Variants in TMEM260 observed in about 807,000 individuals in gnomAD.
TMEM260 encodes protein O-mannosyl-transferase TMEM260.
A neutral mutation model predicts 88.9 loss-of-function variants in TMEM260; 82 were observed. That is an observed-to-expected ratio of 0.92 (90% CI 0.77 to 1.11). The LOEUF (loss-of-function observed/expected upper bound fraction) is 1.11. Ranked by LOEUF, TMEM260 falls within the 50% of genes least tolerant of loss-of-function variation. The pLI is 0.00. For missense variants in TMEM260, 902 were observed against 853.4 expected, an observed-to-expected ratio of 1.06 and a Z score of -0.71; for synonymous variants, 314 against 309.3, an observed-to-expected ratio of 1.02 and a Z score of -0.16.
intron 6 of TMEM260, among the ~76,000 whole-genome samples, chr14:56,611,969 A>G (rs1012938396): frequency 3.9e-5 from 6 of 152,186 alleles, no homozygotes; most frequent in Admixed American, 3.9e-4. Flanking sequence ...ACATGGACAC[A>G]TATGTACTTA....
chr14:56,605,769 T>A, intron 5 of TMEM260, 86 bp downstream of exon 5: 1 of 789,226 alleles, frequency 1.3e-6, no homozygotes, highest in Non-Finnish European at 2.0e-6. Flanking sequence ...TTTCAGGCTT[T>A]AATTTTTCTT....
intron 3 of TMEM260, among the ~76,000 whole-genome samples, chr14:56,599,048 G>A (rs967664165): frequency 6.6e-6 from 1 of 152,010 alleles, no homozygotes; most frequent in Non-Finnish European, 1.5e-5. Flanking sequence ...TCACTCCCTG[G>A]TATGACTTTA....
intron 3 of TMEM260, among the ~76,000 whole-genome samples, chr14:56,601,883 C>T (rs905386975): frequency 3.3e-5 from 5 of 152,084 alleles, no homozygotes; most frequent in African/African-American, 1.2e-4. Context: ...TACTTTCTGG[C>T]ACAAGATGTT....
At chr14:56,603,422 C>A (rs558732330) in intron 3 of TMEM260, among the ~76,000 whole-genome samples, 1 of 152,038 alleles carries the variant, frequency 6.6e-6, no homozygotes, top group Non-Finnish European at 1.5e-5. Context: ...AATATTTTTT[C>A]ATTTCATTAA....
chr14:56,586,382 G>T (rs1594808639), intron 3 of TMEM260, among the ~76,000 whole-genome samples: 1 of 152,084 alleles, frequency 6.6e-6, no homozygotes, highest in East Asian at 1.9e-4. Context: ...AATCAATTTG[G>T]GATGTGGTTT....
chr14:56,587,939 T>C lies in TMEM260; in HGVS notation c.344+2027T>C, dbSNP rs538986640. ...TGGCTTGTTACAATTTCATTTGTTG[T>C]ATGACCTGAACTTAACCTTTAAAAC... On this transcript the variant is annotated intron_variant, in intron 3 of 15. Coordinates refer to ENST00000261556, the MANE Select transcript of TMEM260 (RefSeq NM_017799.4). 2.6e-5 allele frequency among the ~76,000 whole-genome samples: 4 copies of C among 152,208 alleles called. No individual in the cohort carries two copies. The South Asian group carries it at 8.3e-4, about 32-fold the overall frequency.
chr14:56,636,681 C>G (rs1450175315), intron 15 of TMEM260, 83 bp downstream of exon 15: 1 of 1,183,472 alleles, frequency 8.4e-7, no homozygotes, highest in Non-Finnish European at 1.2e-6. Context: ...GAGGGTATAT[C>G]ACATTAGAAT....
At chr14:56,585,198 TTAAAC>T (rs1251288792) in intron 2 of TMEM260, among the ~76,000 whole-genome samples, 166 bp downstream of exon 2, 1 of 152,154 alleles carries the variant, frequency 6.6e-6, no homozygotes, top group Non-Finnish European at 1.5e-5. Context: ...TTAAATCCAA[TTAAAC>T]TAAATTATAA....
At chr14:56,647,149 T>C in intron 15 of TMEM260, 94 bp from the exon 16 acceptor site, 4 of 1,394,242 alleles carry the variant, frequency 2.9e-6, no homozygotes, top group South Asian at 3.0e-5. Context: ...TGAATTTTTT[T>C]TTCTTGTTAT....
At chr14:56,629,937 C>T (rs1044603777) in intron 12 of TMEM260, among the ~76,000 whole-genome samples, 1 of 151,688 alleles carries the variant, frequency 6.6e-6, no homozygotes, top group Non-Finnish European at 1.5e-5. Flanking sequence ...ACTACTTGGG[C>T]AGCTGAGGTG....
upstream of TMEM260, chr14:56,579,632 G>T (rs892416156): frequency 8.5e-6 from 3 of 353,362 alleles, no homozygotes; most frequent in Non-Finnish European, 1.5e-5. Flanking sequence ...TTTTTAAAGG[G>T]AATGCTCTCC....
intron 11 of TMEM260, among the ~76,000 whole-genome samples, chr14:56,624,315 T>G (rs2139604820): frequency 6.6e-6 from 1 of 152,338 alleles, no homozygotes; most frequent in South Asian, 2.1e-4. Context: ...GGCTCACGTC[T>G]GTAATCCCAG....
At chr14:56,634,164 G>A (rs143034308) in intron 13 of TMEM260, among the ~76,000 whole-genome samples, 61 of 152,324 alleles carry the variant, frequency 4.0e-4, no homozygotes, top group African/African-American at 1.3e-3. Flanking sequence ...TCTTTGAGCA[G>A]CATCAAAGCT....
At chr14:56,606,183 A>G (rs1886889617) in intron 5 of TMEM260, among the ~76,000 whole-genome samples, 1 of 152,218 alleles carries the variant, frequency 6.6e-6, no homozygotes, top group Non-Finnish European at 1.5e-5. Flanking sequence ...AGAATTAAAA[A>G]TGATTTATTG....
At chr14:56,593,709 A>T in intron 3 of TMEM260, among the ~76,000 whole-genome samples, 1 of 74,870 alleles carries the variant, frequency 1.3e-5, no homozygotes, top group African/African-American at 5.3e-5. Context: ...TTTTTTTGAG[A>T]CTGAGTCTCG....
At chr14:56,593,468 C>T (rs573157368) in intron 3 of TMEM260, among the ~76,000 whole-genome samples, 8 of 152,018 alleles carry the variant, frequency 5.3e-5, no homozygotes, top group African/African-American at 1.9e-4. Flanking sequence ...GAAGATTTAT[C>T]TACTTCAAAC....
At chr14:56,635,195 T>C (rs1395412291) in intron 14 of TMEM260, among the ~76,000 whole-genome samples, 2 of 152,206 alleles carry the variant, frequency 1.3e-5, no homozygotes, top group Non-Finnish European at 2.9e-5. Context: ...GTGGAAAGGC[T>C]ACTTGTCCAA....
rs143816189 is a variant in TMEM260 at position 56,601,489 on chromosome 14, G to A, written c.345-2326G>A. On this transcript the variant is annotated intron_variant, in intron 3 of 15. Transcript: ENST00000261556. ...ATTGTGTCTGACAGTTTTCACCACC[G>A]TAAAGTTACCATTTTTCCCTTGGTA... is the stretch of plus-strand genomic sequence containing the variant. Among the ~76,000 whole-genome samples the A allele has an allele frequency of 2.9e-3, 441 of 152,196 alleles. 1 individual carries two copies. The highest frequency in any genetic ancestry group is 4.5e-3 in the Non-Finnish European group (305 of 67,988).
chr14:56,622,829 T>C (rs1223507312), intron 11 of TMEM260, among the ~76,000 whole-genome samples: 1 of 152,208 alleles, frequency 6.6e-6, no homozygotes, highest in Non-Finnish European at 1.5e-5. Flanking sequence ...GAGAAAACTT[T>C]ATAAACAGAT....
Sources: gnomAD v4.1 joint callset for allele counts (sites outside exome capture counted in the v4.1 genomes callset) on GRCh38, gnomAD v4.1.1 for gene constraint, MANE v1.5 for transcripts, NCBI Gene and HGNC (gene_info 2026-07-23, HGNC 2026-07-21) for gene names.